The following ZKSCAN5 variants were observed in gnomAD, a reference collection of about 807,000 sequenced individuals.
ZKSCAN5 encodes zinc finger protein with KRAB and SCAN domains 5.
A neutral mutation model predicts 60.0 loss-of-function variants in ZKSCAN5; 28 were observed. The ratio of observed to expected loss-of-function variants is 0.47; its 90% CI spans 0.35 to 0.64. ZKSCAN5 has a LOEUF of 0.64. Ranked by LOEUF, ZKSCAN5 falls within the 30% of genes least tolerant of loss-of-function variation. The pLI is 0.01. For missense variants in ZKSCAN5, 881 were observed against 1,034.6 expected (o/e 0.85, Z 2.04); for synonymous variants, 361 against 371.2 (o/e 0.97, Z 0.31).
intron 5 of ZKSCAN5, among the ~76,000 whole-genome samples, chr7:99,520,662 T>C (rs553797209): frequency 2.0e-5 from 3 of 152,162 alleles, no homozygotes; most frequent in Admixed American, 2.0e-4. Flanking sequence ...CTTGAGTCCT[T>C]TGGACTTTAA....
chr7:99,532,405 AC>A lies in ZKSCAN5; in HGVS notation c.*159del. On this transcript the variant is annotated 3_prime_UTR_variant, in exon 7 of 7. Coordinates refer to ENST00000326775, the MANE Select transcript of ZKSCAN5 (RefSeq NM_145102.4). The stretch of plus-strand genomic sequence containing the variant: ...ACTCAGCCTTTAGGAACACCGGAGA[AC>A]CCACAATAATAGAAATCTTTTCGTG... 1.7e-6 allele frequency: 1 copy of A among 596,748 alleles called. No homozygotes were observed. The highest frequency in any genetic ancestry group is 2.7e-6 in the Non-Finnish European group (1 of 375,288). The allele number at this position is 596,748 out of a possible 1,614,324, so 37.0% of individuals were successfully genotyped here. A position where few individuals can be genotyped will look rare whatever the true frequency, so the allele number is the denominator to read the frequency against.
Position 99,531,183 on chromosome 7 carries a change from A to T in ZKSCAN5, c.1454A>T (p.Glu485Val). ...KISEYSEADMELSGKTQRNVS... is the reference protein window; with the variant it reads ...KISEYSEADMVLSGKTQRNVS... The stretch of plus-strand genomic sequence containing the variant: ...TCAGAATATTCAGAAGCAGACATGG[A>T]ACTATCTGGAAAAACCCAAAGAAAT... Residue 485 changes from glutamate to valine, a missense_variant, in exon 7 of 7, where the codon GAA becomes GTA. Glu to Val is a moderately radical substitution (Grantham distance 121). Around this residue, in one of 5 missense-constraint regions of ZKSCAN5, gnomAD observed 490 missense variants for 554.5 expected, o/e 0.88. Transcript: ENST00000326775. 1.2e-6 allele frequency: 2 copies of T among 1,614,010 alleles called. No homozygotes were observed. Among genetic ancestry groups the T allele is most frequent in the Non-Finnish European group, 1.7e-6 (2 of 1,179,994 alleles).
intron 3 of ZKSCAN5, among the ~76,000 whole-genome samples, chr7:99,519,291 T>C (rs1441969363): frequency 6.6e-6 from 1 of 150,810 alleles, no homozygotes. Flanking sequence ...TTTTTTTTTT[T>C]TTCTGAGACA....
intron 6 of ZKSCAN5, among the ~76,000 whole-genome samples, chr7:99,528,065 A>T (rs973353862): frequency 1.1e-4 from 17 of 151,946 alleles, no homozygotes; most frequent in African/African-American, 3.9e-4. Context: ...CTGTGAACTT[A>T]AAGGCCCTTA....
chr7:99,525,179 AAAAG>A (rs919935605), intron 5 of ZKSCAN5, among the ~76,000 whole-genome samples: 1 of 148,622 alleles, frequency 6.7e-6, no homozygotes, highest in Non-Finnish European at 1.5e-5. Context: ...AGAAAAAAAA[AAAAG>A]AATATTGCCC....
chr7:99,526,648 C>G (rs904884469), intron 6 of ZKSCAN5, among the ~76,000 whole-genome samples: 1 of 152,080 alleles, frequency 6.6e-6, no homozygotes, highest in Non-Finnish European at 1.5e-5. Flanking sequence ...TCTGCCTCCC[C>G]GGTTCAAGCG....
At chr7:99,507,505 A>G (rs1800801614) in intron 2 of ZKSCAN5, among the ~76,000 whole-genome samples, 1 of 142,502 alleles carries the variant, frequency 7.0e-6, no homozygotes, top group African/African-American at 2.7e-5. Flanking sequence ...ATATGTGTAT[A>G]TATATGTGTG....
At chr7:99,508,791 T>TTTTC (rs761889564) in intron 2 of ZKSCAN5, among the ~76,000 whole-genome samples, 155 of 149,872 alleles carry the variant, frequency 1.0e-3, no homozygotes, top group East Asian at 1.6e-3. Context: ...TCTGTGAAAT[T>TTTTC]TTTCTTTCTT....
chr7:99,507,756 A>G (rs1186836023), intron 2 of ZKSCAN5, among the ~76,000 whole-genome samples: 1 of 151,570 alleles, frequency 6.6e-6, no homozygotes, highest in Non-Finnish European at 1.5e-5. Flanking sequence ...CAAACAAAAA[A>G]TTAGCTGGGT....
chr7:99,531,097 AT>A lies in ZKSCAN5; in HGVS notation c.1379-3del, dbSNP rs766993676. On this transcript the variant is annotated splice_polypyrimidine_tract_variant and intron_variant, in intron 6 of 6. Coordinates refer to ENST00000326775, the MANE Select transcript of ZKSCAN5 (RefSeq NM_145102.4). ...CTGATGACATTTTCACTTGCTCTTT[AT>A]TTTTTTTAGGCAGTGACAAAAGAAG... is the stretch of plus-strand genomic sequence containing the variant. 1.0e-5 allele frequency: 16 copies of A among 1,557,194 alleles called. No individual in the cohort carries two copies. Among genetic ancestry groups the A allele is most frequent in the Admixed American group, 6.4e-5 (3 of 47,136 alleles).
intron 4 of ZKSCAN5, 116 bp downstream of exon 4, chr7:99,520,025 CT>C: frequency 6.7e-6 from 10 of 1,496,872 alleles, no homozygotes; most frequent in East Asian, 2.3e-5. Flanking sequence ...TTCCTTTGGC[CT>C]TTTTCCTTTC....
rs1024894036 is a variant in ZKSCAN5 at position 99,534,461 on chromosome 7, G to C, written c.*2212G>C. 3 of 152,198 alleles carry C rather than the reference G, an allele frequency of 2.0e-5. No homozygotes were observed. Among genetic ancestry groups the C allele is most frequent in the African/African-American group, 7.2e-5 (3 of 41,422 alleles). 9.4% of individuals were successfully genotyped at this position (152,198 alleles called of 1,614,324 possible). On this transcript the variant is annotated 3_prime_UTR_variant, in exon 7 of 7. Transcript: ENST00000326775. ...GAGGCTGAGGCGGGCAGATCACGAG[G>C]TCAAGAGATCGAAACCATCCTGGCC...
intron 2 of ZKSCAN5, among the ~76,000 whole-genome samples, chr7:99,510,006 A>G (rs1481961168): frequency 2.0e-5 from 3 of 147,970 alleles, no homozygotes; most frequent in Non-Finnish European, 4.5e-5. Context: ...GTGCAGTGGC[A>G]CAATCATAGC....
In ZKSCAN5 at chr7:99,518,425, A is replaced by G. The variant is rs10268692; in HGVS notation, c.554-1402A>G. Among the ~76,000 whole-genome samples, 765 of 151,998 alleles carry G rather than the reference A, an allele frequency of 5.0e-3. 4 individuals are homozygous for G. Among genetic ancestry groups the G allele is most frequent in the African/African-American group, 0.017 (710 of 41,412 alleles). ...CACAGAGCGAGACTCTGTCTCCAAAAAAAAAAATTTTTTTTAATTAAATTA... is the reference window on the plus strand; with the variant it reads ...CACAGAGCGAGACTCTGTCTCCAAAGAAAAAAATTTTTTTTAATTAAATTA... On this transcript the variant is annotated intron_variant, in intron 3 of 6. Transcript: ENST00000326775.
At chr7:99,512,984 C>A (rs552699625) in intron 3 of ZKSCAN5, among the ~76,000 whole-genome samples, 3 of 113,932 alleles carry the variant, frequency 2.6e-5, no homozygotes, top group Non-Finnish European at 5.2e-5. Flanking sequence ...CCCCTCCCCC[C>A]ACCCCACAAC....
intron 2 of ZKSCAN5, among the ~76,000 whole-genome samples, chr7:99,509,287 T>C (rs1584166516): frequency 1.3e-5 from 2 of 151,958 alleles, no homozygotes; most frequent in East Asian, 1.9e-4. Flanking sequence ...CATGCCCGGC[T>C]TAATTTTTGT....
chr7:99,531,245 T>C lies in ZKSCAN5; in HGVS notation c.1516T>C (p.Phe506Leu). The change falls in exon 7 of 7, where the codon TTT (phenylalanine) becomes CTT (leucine). Residue 506 changes from phenylalanine to leucine, a missense_variant. Transcript: ENST00000326775. Reference protein sequence around the residue: ...QVQDFGEGCEFQGKLDRKQGI... With the variant: ...QVQDFGEGCELQGKLDRKQGI... ...TCAAGATTTTGGAGAAGGCTGTGAG[T>C]TTCAAGGCAAGCTGGATAGAAAGCA... 1 of 1,613,660 alleles carries C rather than the reference T, an allele frequency of 6.2e-7. No individual in the cohort carries two copies. Among genetic ancestry groups the C allele is most frequent in the Non-Finnish European group, 8.5e-7 (1 of 1,179,918 alleles).
At position 99,525,826 on chromosome 7, in the gene ZKSCAN5, G is replaced by A; in HGVS notation, c.786G>A (p.Arg262=). The A allele has an allele frequency of 1.2e-6, 2 of 1,609,676 alleles. No homozygotes were observed. The highest frequency in any genetic ancestry group is 1.7e-6 in the Non-Finnish European group (2 of 1,176,612). The change falls in exon 6 of 7, where the codon AGG becomes AGA. Residue 262 remains arginine, a synonymous_variant. Transcript: ENST00000326775. ...GSITSMGYES[R]DNMELIVKQI... ...CTGTTATTTCAGGTTATGAGTCCAG[G>A]GACAATATGGAGCTCATAGTGAAGC...
intron 3 of ZKSCAN5, among the ~76,000 whole-genome samples, 166 bp downstream of exon 3, chr7:99,512,757 G>A (rs1400705006): frequency 6.6e-6 from 1 of 152,058 alleles, no homozygotes; most frequent in Admixed American, 6.6e-5. Flanking sequence ...AGTCCCTGGT[G>A]TTCAATGAAA....
Sources: gnomAD v4.1 joint callset for allele counts (sites outside exome capture counted in the v4.1 genomes callset) on GRCh38, gnomAD v4.1.1 for gene constraint, gnomAD v4.1.1 regional missense constraint, MANE v1.5 for transcripts, NCBI Gene and HGNC (gene_info 2026-07-23, HGNC 2026-07-21) for gene names.